The following HDLBP variants were observed in gnomAD, a reference collection of about 807,000 sequenced individuals.
HDLBP encodes high density lipoprotein binding protein, also known as vigilin.
A neutral mutation model predicts 137.3 loss-of-function variants in HDLBP; 30 were observed. That is an observed-to-expected ratio of 0.22 (90% CI 0.16 to 0.30). The LOEUF (loss-of-function observed/expected upper bound fraction) is 0.30, where lower values mean the gene tolerates loss of function less well. Ranked by LOEUF, HDLBP falls within the 10% of genes least tolerant of loss-of-function variation. The probability of loss-of-function intolerance (pLI) is 1.00; values close to 1 mark genes in which losing one functional copy is unlikely to be tolerated. For synonymous variants in HDLBP, 606 were observed against 596.0 expected, an observed-to-expected ratio of 1.02 and a Z score of -0.24; for missense variants, 1,119 against 1,667.3, an observed-to-expected ratio of 0.67 and a Z score of 5.73.
intron 1 of HDLBP, among the ~76,000 whole-genome samples, chr2:241,275,294 G>A (rs1184707043): frequency 1.3e-5 from 2 of 151,968 alleles, no homozygotes. Context: ...AAGGAAGGAT[G>A]GATTAGAAGT....
rs1367322555 is a variant in HDLBP, at chr2:241,238,313, C to T, written c.2749+336G>A. ...GGGAGATGTGGAGGAGGAAGCTCTA[C>T]GACGGGGCTCATGCGATCCAAACGA... On this transcript the variant is annotated intron_variant, in intron 20 of 27. Coordinates refer to ENST00000310931, the MANE Select transcript of HDLBP (RefSeq NM_005336.6). This position sits in a 1 kb window ranked among gnomAD's most constrained non-coding sequence, Gnocchi z 4.9. 4.0e-5 allele frequency: 7 copies of T among 175,906 alleles called. No individual in the cohort carries two copies. Among genetic ancestry groups the T allele is most frequent in the Middle Eastern group, 2.5e-3 (1 of 398 alleles). 10.9% of individuals were successfully genotyped at this position (175,906 alleles called of 1,614,324 possible).
chr2:241,247,547 A>G (rs548563269), intron 14 of HDLBP: 39 of 280,904 alleles, frequency 1.4e-4, no homozygotes, highest in Non-Finnish European at 2.1e-4. Context: ...GCTAAGGTGA[A>G]GCCCACGGAA....
At chr2:241,234,179 C>T (rs1406896051) in intron 23 of HDLBP, among the ~76,000 whole-genome samples, 4 of 152,206 alleles carry the variant, frequency 2.6e-5, no homozygotes, top group Non-Finnish European at 5.9e-5. Context: ...ACAAGGAGGT[C>T]TATAAATCCT....
At chr2:241,290,699 G>C (rs771684474) in intron 1 of HDLBP, among the ~76,000 whole-genome samples, 2 of 151,900 alleles carry the variant, frequency 1.3e-5, no homozygotes, top group Non-Finnish European at 2.9e-5. Flanking sequence ...AGTGAGTTCA[G>C]TTAGTGAAAA....
intron 12 of HDLBP, 72 bp from the exon 13 acceptor site, chr2:241,248,420 CACCAGGGAG>C: frequency 1.6e-6 from 2 of 1,218,150 alleles, no homozygotes; most frequent in Middle Eastern, 1.9e-4. Flanking sequence ...CACAAGGGGA[CACCAGGGAG>C]CCCTGGGCAC....
chr2:241,271,009 C>G, intron 1 of HDLBP: 1 of 985,298 alleles, frequency 1.0e-6, no homozygotes, highest in African/African-American at 1.7e-5. Flanking sequence ...TTCTCAGGGC[C>G]CGGGTCCACC....
At chr2:241,242,862 A>C in intron 16 of HDLBP, 184 bp from the exon 17 acceptor site, 2 of 618,784 alleles carry the variant, frequency 3.2e-6, no homozygotes, top group Non-Finnish European at 5.8e-6. Flanking sequence ...AGGAGAGTGC[A>C]CGTCCTGGGG....
chr2:241,260,572 G>T (rs1559516283), intron 5 of HDLBP, among the ~76,000 whole-genome samples: 1 of 152,208 alleles, frequency 6.6e-6, no homozygotes. Context: ...TATGAGCAGG[G>T]AGAGAATTAG....
intron 2 of HDLBP, among the ~76,000 whole-genome samples, chr2:241,267,368 TGGA>T (rs1186270118): frequency 2.0e-5 from 3 of 152,144 alleles, no homozygotes; most frequent in Non-Finnish European, 4.4e-5. Flanking sequence ...TTGCCTGTAA[TGGA>T]GGAGCTCATC....
At chr2:241,254,199 G>C (rs1397098390) in intron 9 of HDLBP, among the ~76,000 whole-genome samples, 1 of 152,136 alleles carries the variant, frequency 6.6e-6, no homozygotes, top group African/African-American at 2.4e-5. Context: ...ATGAGTTCAA[G>C]GCTGCAGTGA....
At chr2:241,266,754 C>T (rs1302057917) in intron 3 of HDLBP, 40 bp downstream of exon 3, 1 of 1,286,378 alleles carries the variant, frequency 7.8e-7, no homozygotes. Flanking sequence ...GGAGCAATGC[C>T]TTAGACATTA....
intron 1 of HDLBP, among the ~76,000 whole-genome samples, chr2:241,311,130 GAA>G (rs2075746235): frequency 6.7e-6 from 1 of 149,622 alleles, no homozygotes; most frequent in Admixed American, 6.6e-5. Context: ...AAAAACAAAA[GAA>G]AGAAAGAAGA....
chr2:241,258,982 G>C (rs1294434033), intron 5 of HDLBP, among the ~76,000 whole-genome samples: 1 of 152,064 alleles, frequency 6.6e-6, no homozygotes, highest in African/African-American at 2.4e-5. Flanking sequence ...TCTATCCCAA[G>C]ATACACTGGG....
In HDLBP at chr2:241,265,171, C is replaced by T. The variant is rs2073556661; in HGVS notation, c.77-566G>A. On this transcript the variant is annotated intron_variant, in intron 3 of 27. Coordinates refer to ENST00000310931, the MANE Select transcript of HDLBP (RefSeq NM_005336.6). ...TGGTGGCTCACACCTGTAATCCCAG[C>T]ACTTTGGGAGGCCGAGGCAGGCAGA... Among the ~76,000 whole-genome samples the T allele has an allele frequency of 2.0e-5, 3 of 152,336 alleles. No homozygotes were observed. In the South Asian group the frequency reaches 6.2e-4, roughly 32 times the overall value.
At chr2:241,289,836 G>A (rs2074949711) in intron 1 of HDLBP, among the ~76,000 whole-genome samples, 2 of 152,122 alleles carry the variant, frequency 1.3e-5, no homozygotes, top group African/African-American at 4.8e-5. Flanking sequence ...AGGCATCAAC[G>A]TGGGGTGAGT....
intron 5 of HDLBP, among the ~76,000 whole-genome samples, chr2:241,258,346 CAAAAA>C (rs34675892): frequency 1.1e-3 from 61 of 55,462 alleles, no homozygotes; most frequent in African/African-American, 3.8e-3. Context: ...GACTCCGTCT[CAAAAA>C]AAAAAAAAAA....
chr2:241,314,890 G>A (rs978407795), intron 1 of HDLBP, among the ~76,000 whole-genome samples: 3 of 152,162 alleles, frequency 2.0e-5, no homozygotes, highest in African/African-American at 7.2e-5. Flanking sequence ...CTGAACGAGG[G>A]GTATTTGCGC....
At position 241,235,259 on chromosome 2, in the gene HDLBP, C is replaced by A; in HGVS notation, c.3010-4G>T. On this transcript the variant is annotated splice_region_variant and splice_polypyrimidine_tract_variant and intron_variant, in intron 22 of 27. Transcript: ENST00000310931. ...GTGCCGGGACATGTATGTTCACCTA[C>A]GTGAAGAGGGGGCTGACTTGACGTT... The A allele has an allele frequency of 6.2e-7, 1 of 1,614,140 alleles. No homozygotes were observed. Among genetic ancestry groups the A allele is most frequent in the Non-Finnish European group, 8.5e-7 (1 of 1,180,038 alleles).
intron 1 of HDLBP, among the ~76,000 whole-genome samples, chr2:241,314,839 G>A (rs575130487): frequency 6.6e-6 from 1 of 152,202 alleles, no homozygotes; most frequent in African/African-American, 2.4e-5. Flanking sequence ...TAGGAACTCA[G>A]GAAGTGTTTC....
Sources: gnomAD v4.1 joint callset for allele counts (sites outside exome capture counted in the v4.1 genomes callset) on GRCh38, gnomAD v4.1.1 for gene constraint, Gnocchi (gnomAD v3.1) non-coding constraint, MANE v1.5 for transcripts, NCBI Gene and HGNC (gene_info 2026-07-23, HGNC 2026-07-21) for gene names.